The following BAZ1B variants were observed in gnomAD, a reference collection of about 807,000 sequenced individuals.
BAZ1B encodes the protein bromodomain adjacent to zinc finger domain 1B.
Under a neutral mutation model 153.8 loss-of-function variants are expected in BAZ1B, and 22 were observed. That is an observed-to-expected ratio of 0.14 (90% CI 0.10 to 0.20). The LOEUF (loss-of-function observed/expected upper bound fraction) is 0.20. Ranked by LOEUF, BAZ1B falls within the 10% of genes least tolerant of loss-of-function variation. The pLI, the probability that BAZ1B is intolerant of heterozygous loss-of-function variation, is 1.00. For synonymous variants in BAZ1B, 676 were observed against 633.4 expected (o/e 1.07, Z -1.01); for missense variants, 1,325 against 1,799.3 (o/e 0.74, Z 4.77).
At chr7:73,521,802 G>GGCCCAGCCCT (rs1791061706) in intron 1 of BAZ1B, 25 bp downstream of exon 1, 1 of 1,479,908 alleles carries the variant, frequency 6.8e-7, no homozygotes, top group Non-Finnish European at 9.0e-7. Flanking sequence ...GGCCCAGCCC[G>GGCCCAGCCCT]GCCCGCGCGG....
chr7:73,470,220 G>T, intron 8 of BAZ1B, 125 bp downstream of exon 8: 1 of 1,121,472 alleles, frequency 8.9e-7, no homozygotes, highest in Non-Finnish European at 1.2e-6. Context: ...CAACAATTCT[G>T]TTTCCAAAAA....
intron 5 of BAZ1B, among the ~76,000 whole-genome samples, chr7:73,490,311 AAAATT>A (rs1319281638): frequency 1.6e-4 from 24 of 152,342 alleles, no homozygotes; most frequent in Admixed American, 1.6e-3. Context: ...AATAAATGAA[AAAATT>A]AAGTTATAAA....
intron 3 of BAZ1B, among the ~76,000 whole-genome samples, chr7:73,508,081 G>A (rs980564667): frequency 1.2e-4 from 18 of 152,038 alleles, no homozygotes; most frequent in Non-Finnish European, 2.2e-4. Context: ...ACTTGAACAC[G>A]GGAGAATGAG....
At chr7:73,465,832 A>C (rs1554571093) in intron 10 of BAZ1B, among the ~76,000 whole-genome samples, 1 of 152,218 alleles carries the variant, frequency 6.6e-6, no homozygotes, top group Non-Finnish European at 1.5e-5. Flanking sequence ...CTATACCCAA[A>C]ATTCAAAAAT....
chr7:73,459,839 G>T, intron 12 of BAZ1B, 121 bp from the exon 13 acceptor site: 1 of 838,074 alleles, frequency 1.2e-6, no homozygotes, highest in Admixed American at 2.9e-5. Flanking sequence ...AAACAAAATC[G>T]AGAGCCACAT....
chr7:73,503,917 C>G (rs1174059215), intron 3 of BAZ1B, among the ~76,000 whole-genome samples: 1 of 152,064 alleles, frequency 6.6e-6, no homozygotes, highest in Non-Finnish European at 1.5e-5. Flanking sequence ...TTCCAAATGC[C>G]TCCCTAGGAG....
intron 1 of BAZ1B, among the ~76,000 whole-genome samples, chr7:73,511,555 T>A (rs1420261034): frequency 1.3e-5 from 2 of 151,854 alleles, no homozygotes; most frequent in Non-Finnish European, 2.9e-5. Context: ...ACAAAAAAAA[T>A]TAATATTTTA....
intron 4 of BAZ1B, among the ~76,000 whole-genome samples, chr7:73,497,969 G>A (rs1177084074): frequency 6.6e-6 from 1 of 151,276 alleles, no homozygotes; most frequent in Non-Finnish European, 1.5e-5. Context: ...TTTTGAGATG[G>A]AGTTTTGTTT....
intron 4 of BAZ1B, among the ~76,000 whole-genome samples, chr7:73,493,133 G>A (rs1004360373): frequency 2.6e-5 from 4 of 152,156 alleles, no homozygotes; most frequent in Non-Finnish European, 5.9e-5. Context: ...TAACTACAAT[G>A]TAGTAAACAG....
At chr7:73,517,964 TCAG>T (rs782597262) in intron 1 of BAZ1B, among the ~76,000 whole-genome samples, 6 of 152,198 alleles carry the variant, frequency 3.9e-5, no homozygotes, top group Non-Finnish European at 7.3e-5. Flanking sequence ...GTGCTCTAAG[TCAG>T]AAGATGGCAA....
chr7:73,444,288 T>C (rs1554565807), intron 16 of BAZ1B, among the ~76,000 whole-genome samples, 159 bp from the exon 17 acceptor site: 2 of 152,208 alleles, frequency 1.3e-5, no homozygotes, highest in Non-Finnish European at 2.9e-5. Context: ...TATCTTGCCT[T>C]ACCTAACAGG....
chr7:73,454,038 C>T (rs1788107886), intron 13 of BAZ1B, among the ~76,000 whole-genome samples: 1 of 151,992 alleles, frequency 6.6e-6, no homozygotes, highest in Admixed American at 6.6e-5. Flanking sequence ...GTGGCTCACG[C>T]CTATAATCCC....
chr7:73,507,336 T>A (rs1224267073), intron 3 of BAZ1B: 1 of 152,046 alleles, frequency 6.6e-6, no homozygotes, highest in African/African-American at 2.4e-5. Flanking sequence ...AGAGAATAGT[T>A]TAGGAGTTAG....
intron 2 of BAZ1B, 74 bp downstream of exon 2, chr7:73,510,662 G>T: frequency 1.4e-6 from 2 of 1,379,608 alleles, no homozygotes; most frequent in Non-Finnish European, 2.1e-6. Context: ...TACACATACT[G>T]CTTTAGGGTT....
At chr7:73,475,601 CT>C in intron 7 of BAZ1B, among the ~76,000 whole-genome samples, 1 of 152,230 alleles carries the variant, frequency 6.6e-6, no homozygotes, top group South Asian at 2.1e-4. Flanking sequence ...TTTGGGTTTT[CT>C]TTTAAAAATG....
chr7:73,493,840 A>G (rs868985453), intron 4 of BAZ1B, among the ~76,000 whole-genome samples: 1 of 134,712 alleles, frequency 7.4e-6, no homozygotes, highest in African/African-American at 2.9e-5. Context: ...CCCTGTCTCC[A>G]AAAAAAAAAA....
intron 6 of BAZ1B, among the ~76,000 whole-genome samples, chr7:73,482,071 G>C (rs542644289): frequency 6.6e-6 from 1 of 152,126 alleles, no homozygotes; most frequent in East Asian, 1.9e-4. Context: ...AAAGAAACTG[G>C]AATGTGTTGT....
rs192809150 is a variant in BAZ1B at position 73,515,943 on chromosome 7, G to A, written c.108-5091C>T. Among the ~76,000 whole-genome samples the A allele has an allele frequency of 2.8e-4, 42 of 152,158 alleles. No individual in the cohort carries two copies. The East Asian group carries it at 5.8e-3, about 21-fold the overall frequency. On this transcript the variant is annotated intron_variant, in intron 1 of 19. Transcript: ENST00000339594. Reference sequence around the variant, plus strand: ...ACGGATCACTTGAGGCCAGGTGTTCGAGACTAGCCTGGCCAACACGGTGAA... The same window carrying A: ...ACGGATCACTTGAGGCCAGGTGTTCAAGACTAGCCTGGCCAACACGGTGAA...
intron 6 of BAZ1B, among the ~76,000 whole-genome samples, chr7:73,480,082 C>T (rs782295510): frequency 1.3e-5 from 2 of 151,286 alleles, no homozygotes; most frequent in African/African-American, 4.9e-5. Flanking sequence ...GGCGTGAACC[C>T]GCAAGGTGGA....
Sources: gnomAD v4.1 joint callset for allele counts (sites outside exome capture counted in the v4.1 genomes callset) on GRCh38, gnomAD v4.1.1 for gene constraint, MANE v1.5 for transcripts, NCBI Gene and HGNC (gene_info 2026-07-23, HGNC 2026-07-21) for gene names.